Variants in SPECC1L observed in about 807,000 individuals in gnomAD.
SPECC1L encodes cytospin-A.
A neutral mutation model predicts 116.8 loss-of-function variants in SPECC1L; 40 were observed. That is an observed-to-expected ratio of 0.34 (90% CI 0.27 to 0.45). The LOEUF (loss-of-function observed/expected upper bound fraction) is 0.45, where lower values mean the gene tolerates loss of function less well. SPECC1L is among the 20% of genes least tolerant of loss of function. The pLI is 1.00. For missense variants in SPECC1L, 1,110 were observed against 1,373.6 expected (o/e 0.81, Z 3.03); for synonymous variants, 504 against 500.6 (o/e 1.01, Z -0.09).
chr22:24,343,171 G>A (rs1377003698), intron 10 of SPECC1L, among the ~76,000 whole-genome samples: 3 of 152,110 alleles, frequency 2.0e-5, no homozygotes, highest in Admixed American at 2.0e-4. Flanking sequence ...TCCAGCCTGG[G>A]CGACACAGGG....
rs1215942539 is a variant in SPECC1L at position 24,322,304 on chromosome 22, A to T, written c.1324A>T (p.Lys442Ter). 1 of 1,614,074 alleles carries T rather than the reference A, an allele frequency of 6.2e-7. No individual in the cohort carries two copies. Among genetic ancestry groups the T allele is most frequent in the Non-Finnish European group, 8.5e-7 (1 of 1,180,038 alleles). Residue 442 changes from lysine (K) to a stop codon, truncating the protein, a stop_gained, in exon 5 of 17, where the codon AAG becomes TAG. Transcript: ENST00000314328. LOFTEE classifies it high-confidence loss of function. ...TGAAAACGAAAGGCTTGGAGAAGAG[A>T]AGGTTATTCTGATGGAGTCTTTATG... Reference protein sequence around the residue: ...NSENERLGEEKVILMESLCQQ... With the variant: ...NSENERLGEE
In SPECC1L at chr22:24,365,582, G is replaced by T; in HGVS notation, c.2934G>T (p.Leu978=). 1 of 1,614,146 alleles carries T rather than the reference G, an allele frequency of 6.2e-7. No individual in the cohort carries two copies. Among genetic ancestry groups the T allele is most frequent in the South Asian group, 1.1e-5 (1 of 91,082 alleles). ...GAACCACGTCTCCACAGCTTTCCCT[G>T]TCCTCTTCTCCAACGGCATCTGTGA... ...AMGTTSPQLS[L]SSSPTASVTP... is the part of the protein sequence containing the mutation. The change falls in exon 13 of 17, where the codon CTG becomes CTT. Residue 978 remains leucine, a synonymous_variant. Coordinates refer to ENST00000314328, the MANE Select transcript of SPECC1L (RefSeq NM_015330.6).
intron 14 of SPECC1L, among the ~76,000 whole-genome samples, chr22:24,410,211 G>A (rs940206741): frequency 2.0e-5 from 3 of 152,152 alleles, no homozygotes; most frequent in African/African-American, 7.2e-5. Context: ...AGGCTGGGGT[G>A]TAATGGCTGT....
At chr22:24,387,946 A>G (rs1420908334) in intron 14 of SPECC1L, among the ~76,000 whole-genome samples, 5 of 152,170 alleles carry the variant, frequency 3.3e-5, no homozygotes, top group Non-Finnish European at 7.3e-5. Flanking sequence ...TCCATCTTCA[A>G]AGCCAACAAC....
chr22:24,349,649 C>T lies in SPECC1L; in HGVS notation c.2743+2473C>T, dbSNP rs750349024. On this transcript the variant is annotated intron_variant, in intron 11 of 16. Coordinates refer to ENST00000314328, the MANE Select transcript of SPECC1L (RefSeq NM_015330.6). ...ACATGTAATCTGCCTTCTCCATCTC[C>T]ATTCATGGCAGTTTCATCCTTAGAA... is the stretch of plus-strand genomic sequence containing the variant. Among the ~76,000 whole-genome samples, 53 of 152,310 alleles carry T rather than the reference C, an allele frequency of 3.5e-4. No homozygotes were observed. The Middle Eastern group carries it at 0.01, about 29-fold the overall frequency.
chr22:24,294,540 C>G (rs1452975736), intron 2 of SPECC1L, among the ~76,000 whole-genome samples: 1 of 151,664 alleles, frequency 6.6e-6, no homozygotes, highest in Non-Finnish European at 1.5e-5. Context: ...CACCACCACA[C>G]CCAGCTAATT....
At chr22:24,282,357 A>G (rs575009355) in intron 2 of SPECC1L, among the ~76,000 whole-genome samples, 54 of 152,296 alleles carry the variant, frequency 3.5e-4, no homozygotes, top group Non-Finnish European at 5.0e-4. Context: ...GGCTGTTACC[A>G]TCTTTGTTTT....
chr22:24,316,295 T>C (rs1205768722), intron 4 of SPECC1L, among the ~76,000 whole-genome samples: 1 of 151,724 alleles, frequency 6.6e-6, no homozygotes, highest in African/African-American at 2.4e-5. Flanking sequence ...TATTTATTTA[T>C]TTATTGATCA....
chr22:24,287,587 G>A (rs577052565), intron 2 of SPECC1L, among the ~76,000 whole-genome samples: 16 of 152,256 alleles, frequency 1.1e-4, no homozygotes, highest in African/African-American at 3.4e-4. Context: ...GCACACCAAG[G>A]CCCCCTATAG....
At chr22:24,273,888 A>G (rs1406957549) in intron 1 of SPECC1L, among the ~76,000 whole-genome samples, 1 of 152,202 alleles carries the variant, frequency 6.6e-6, no homozygotes, top group African/African-American at 2.4e-5. Context: ...CCTCCCAAGT[A>G]GGTGGGATTA....
chr22:24,405,322 G>A (rs1267849292), intron 14 of SPECC1L, among the ~76,000 whole-genome samples: 2 of 152,116 alleles, frequency 1.3e-5, no homozygotes, highest in Non-Finnish European at 2.9e-5. Context: ...ATTGCTCCAT[G>A]TGCAGCAACA....
chr22:24,394,399 A>G (rs1046639832), intron 14 of SPECC1L, among the ~76,000 whole-genome samples: 2 of 152,188 alleles, frequency 1.3e-5, no homozygotes, highest in African/African-American at 4.8e-5. Flanking sequence ...AAAGCACACT[A>G]ATCCCGTTCA....
chr22:24,277,493 A>G (rs1305892700), intron 2 of SPECC1L, among the ~76,000 whole-genome samples: 5 of 152,214 alleles, frequency 3.3e-5, no homozygotes, highest in African/African-American at 4.8e-5. Context: ...AACATGTTCA[A>G]TACCTCAAAA....
chr22:24,293,776 A>T (rs1168474833), intron 2 of SPECC1L, among the ~76,000 whole-genome samples: 1 of 131,536 alleles, frequency 7.6e-6, no homozygotes, highest in Non-Finnish European at 1.6e-5. Context: ...TGTGGTGCTG[A>T]CTTGGAAGGA....
chr22:24,272,209 T>G (rs1389176688), intron 1 of SPECC1L, among the ~76,000 whole-genome samples: 1 of 147,518 alleles, frequency 6.8e-6, no homozygotes, highest in Admixed American at 6.7e-5. Flanking sequence ...GGTGAAATCC[T>G]GTCTCTACTA....
intron 14 of SPECC1L, among the ~76,000 whole-genome samples, chr22:24,395,228 A>G (rs984079749): frequency 6.6e-6 from 1 of 152,202 alleles, no homozygotes; most frequent in Non-Finnish European, 1.5e-5. Context: ...ATAACCCAAG[A>G]TCACAACGAT....
At chr22:24,375,542 A>G (rs2041955287) in intron 14 of SPECC1L, among the ~76,000 whole-genome samples, 1 of 152,180 alleles carries the variant, frequency 6.6e-6, no homozygotes, top group Non-Finnish European at 1.5e-5. Context: ...AGGGGAAAAA[A>G]CCGCATGATC....
chr22:24,383,822 T>G (rs1164417694), intron 14 of SPECC1L, among the ~76,000 whole-genome samples: 3 of 70,392 alleles, frequency 4.3e-5, no homozygotes, highest in Non-Finnish European at 5.9e-5. Context: ...TTTTTTTTTT[T>G]TTTTTTTTTT....
chr22:24,289,864 TTGTC>T (rs542764313), intron 2 of SPECC1L, among the ~76,000 whole-genome samples: 64 of 152,288 alleles, frequency 4.2e-4, no homozygotes, highest in South Asian at 3.3e-3. Context: ...GCTTTCCACA[TTGTC>T]TGGCTGGTGC....
Sources: gnomAD v4.1 joint callset for allele counts (sites outside exome capture counted in the v4.1 genomes callset) on GRCh38, gnomAD v4.1.1 for gene constraint, MANE v1.5 for transcripts, NCBI Gene and HGNC (gene_info 2026-07-23, HGNC 2026-07-21) for gene names.